The following WDR1 variants were observed in gnomAD, a reference collection of about 807,000 sequenced individuals.
The protein encoded by WDR1 is WD repeat-containing protein 1.
WDR1 carries 21 observed loss-of-function variants against 71.9 expected under a neutral mutation model. The observed-to-expected ratio is 0.29, with a 90% confidence interval of 0.21 to 0.42. The LOEUF is 0.42. Among genes scored for constraint, WDR1 ranks in the 10% least tolerant of loss-of-function variants. WDR1 has a pLI of 1.00. For missense variants in WDR1, 696 were observed against 824.5 expected, an observed-to-expected ratio of 0.84 and a Z score of 1.91; for synonymous variants, 424 against 347.4, an observed-to-expected ratio of 1.22 and a Z score of -2.45.
rs767599833 is a variant in WDR1 at position 10,087,694 on chromosome 4, G to C, written c.951+13C>G. On this transcript the variant is annotated intron_variant, in intron 8 of 14. Transcript: ENST00000499869. ...CACCCAGCGGGCAGAGCCTTCCCCA[G>C]GGCAGGCCTTACCTTGATGACGTGC... 6.4e-7 allele frequency: 1 copy of C among 1,571,724 alleles called. No homozygotes were observed. The highest frequency in any genetic ancestry group is 8.6e-7 in the Non-Finnish European group (1 of 1,157,432).
intron 9 of WDR1, 41 bp from the exon 10 acceptor site, chr4:10,083,219 T>A: frequency 6.3e-7 from 1 of 1,597,582 alleles, no homozygotes. Context: ...CCAGGACTGC[T>A]GGGTGTTCTC....
rs373350731 is a variant in WDR1 at position 10,079,034 on chromosome 4, C to A, written c.1285-33G>T. The A allele has an allele frequency of 3.1e-5, 48 of 1,551,568 alleles. No individual in the cohort carries two copies. In the African/African-American group the frequency reaches 6.0e-4, roughly 19 times the overall value. On this transcript the variant is annotated intron_variant, in intron 11 of 14. Transcript: ENST00000499869. ...ACACACAGGCAGCTGGTCAGGCGGTCCAGCCCTTCGGGACAAAACCCTCAG... is the reference window on the plus strand; with the variant it reads ...ACACACAGGCAGCTGGTCAGGCGGTACAGCCCTTCGGGACAAAACCCTCAG...
Position 10,081,453 on chromosome 4 carries a change from G to A in WDR1, c.1197-9C>T, listed in dbSNP as rs367851603. On this transcript the variant is annotated splice_polypyrimidine_tract_variant and intron_variant, in intron 10 of 14. Transcript: ENST00000499869. ...TCACAACTCCTTGTCCGCTGTTAGA[G>A]AGAAAGGAAGCACATTACTTCGACA... is the stretch of plus-strand genomic sequence containing the variant. 1.2e-6 allele frequency: 2 copies of A among 1,613,236 alleles called. No homozygotes were observed. Among genetic ancestry groups the A allele is most frequent in the Non-Finnish European group, 1.7e-6 (2 of 1,179,418 alleles).
rs540654610 is a variant in WDR1 at position 10,085,992 on chromosome 4, C to A, written c.952-1462G>T. Among the ~76,000 whole-genome samples, 35 of 152,278 alleles carry A rather than the reference C, an allele frequency of 2.3e-4. 1 individual carries two copies. In the South Asian group the frequency reaches 6.8e-3, roughly 30 times the overall value. On this transcript the variant is annotated intron_variant, in intron 8 of 14. Coordinates refer to ENST00000499869, the MANE Select transcript of WDR1 (RefSeq NM_017491.5). Reference sequence around the variant, plus strand: ...CACGGTGGCAGGCCGGGTGCACTGGCCCCAGACAGTTGGCAGCAGTGGTAT... The same window carrying A: ...CACGGTGGCAGGCCGGGTGCACTGGACCCAGACAGTTGGCAGCAGTGGTAT...
At chr4:10,099,180 TGGGGTAAAGGGCAG>T (rs760580340) in intron 3 of WDR1, 41 bp from the exon 4 acceptor site, 1 of 173,730 alleles carries the variant, frequency 5.8e-6, no homozygotes, top group Admixed American at 8.5e-5. Flanking sequence ...GAGGCGGTGG[TGGGGTAAAGGGCAG>T]GGGGAGAGCC....
In WDR1 at chr4:10,084,441, A is replaced by G. The variant is rs765001332; in HGVS notation, c.1039+2T>C. ...GAGCCAGCTCTTTGAGTCAAAGGAT[A>G]TTAATGTGTCCGTCGTGGCTCCCAG... On this transcript the variant is annotated splice_donor_variant, in intron 9 of 14. Transcript: ENST00000499869. LOFTEE classifies it high-confidence loss of function. The G allele has an allele frequency of 3.1e-6, 5 of 1,613,284 alleles. No homozygotes were observed. Among genetic ancestry groups the G allele is most frequent in the East Asian group, 2.2e-5 (1 of 44,872 alleles).
chr4:10,104,237 T>C (rs902026222), intron 2 of WDR1, among the ~76,000 whole-genome samples: 19 of 152,208 alleles, frequency 1.2e-4, no homozygotes, highest in Non-Finnish European at 2.8e-4. Flanking sequence ...GTGATTTTTT[T>C]CCTTTTCTGC....
chr4:10,081,244 C>A, intron 11 of WDR1, 113 bp downstream of exon 11: 1 of 915,910 alleles, frequency 1.1e-6, no homozygotes. Context: ...TGCAAATGAG[C>A]ACTCAACCAA....
chr4:10,113,359 AAATT>A (rs1713509599), intron 2 of WDR1, among the ~76,000 whole-genome samples: 1 of 152,188 alleles, frequency 6.6e-6, no homozygotes, highest in African/African-American at 2.4e-5. Context: ...CCTCCACCTC[AAATT>A]AAAAAAGAAA....
In WDR1 at chr4:10,097,706, C is replaced by T; in HGVS notation, c.558+5G>A. On this transcript the variant is annotated splice_donor_5th_base_variant and intron_variant, in intron 5 of 14. Transcript: ENST00000499869. The stretch of plus-strand genomic sequence containing the variant: ...AAATTTCACCCAAAAAGTAAGTTCA[C>T]TTACGCCAATTGTGAACTTGAACTT... 1 of 1,606,744 alleles carries T rather than the reference C, an allele frequency of 6.2e-7. No homozygotes were observed. Among genetic ancestry groups the T allele is most frequent in the Non-Finnish European group, 8.5e-7 (1 of 1,174,546 alleles).
rs548399824 is a variant in WDR1, at chr4:10,102,397, G to T, written c.229+1499C>A. ...TGCATCAGAGGCGGCCTATGGAGAG[G>T]TGATTAGGCCAGGAGGGCTCTGCCC... On this transcript the variant is annotated intron_variant, in intron 3 of 14. Coordinates refer to ENST00000499869, the MANE Select transcript of WDR1 (RefSeq NM_017491.5). Among the ~76,000 whole-genome samples, 15 of 152,354 alleles carry T rather than the reference G, an allele frequency of 9.8e-5. No homozygotes were observed. In the East Asian group the frequency reaches 2.1e-3, roughly 22 times the overall value.
At chr4:10,111,981 C>T (rs1041053136) in intron 2 of WDR1, among the ~76,000 whole-genome samples, 2 of 152,116 alleles carry the variant, frequency 1.3e-5, no homozygotes, top group Non-Finnish European at 2.9e-5. Context: ...AAAAACCAGG[C>T]CCCAAACTTG....
chr4:10,085,743 C>T (rs1765184163), intron 8 of WDR1, among the ~76,000 whole-genome samples: 1 of 152,258 alleles, frequency 6.6e-6, no homozygotes, highest in Admixed American at 6.5e-5. Context: ...GGGGCGTCAG[C>T]AGCCAGCGCT....
intron 12 of WDR1, chr4:10,078,688 G>A (rs1171204665): frequency 5.7e-6 from 3 of 528,108 alleles, no homozygotes; most frequent in Non-Finnish European, 1.0e-5. Flanking sequence ...AAGTGCCGAG[G>A]AGGGGAGGGG....
intron 2 of WDR1, 121 bp downstream of exon 2, chr4:10,115,992 G>A (rs1340346147): frequency 2.9e-6 from 4 of 1,360,336 alleles, no homozygotes; most frequent in African/African-American, 1.5e-5. Context: ...GGTAGAGGGG[G>A]CGTGGCGCCC....
chr4:10,079,640 C>T (rs1764939568), intron 11 of WDR1, among the ~76,000 whole-genome samples: 1 of 152,206 alleles, frequency 6.6e-6, no homozygotes, highest in South Asian at 2.1e-4. Flanking sequence ...TCAACTGCTC[C>T]CAGACAGTGG....
At chr4:10,101,635 T>A (rs1323541444) in intron 3 of WDR1, among the ~76,000 whole-genome samples, 10 of 152,222 alleles carry the variant, frequency 6.6e-5, no homozygotes, top group African/African-American at 2.2e-4. Flanking sequence ...ATGTGGTCTG[T>A]CCTTTGCAAC....
At chr4:10,095,415 G>A (rs370824844) in intron 5 of WDR1, among the ~76,000 whole-genome samples, 7 of 152,188 alleles carry the variant, frequency 4.6e-5, no homozygotes, top group East Asian at 3.8e-4. Flanking sequence ...GCCCACATAC[G>A]GGAGGAAGCC....
chr4:10,116,052 G>T (rs1437512342), intron 2 of WDR1, 61 bp downstream of exon 2: 3 of 1,579,470 alleles, frequency 1.9e-6, no homozygotes, highest in African/African-American at 1.4e-5. Context: ...AGAGGAAGGC[G>T]AATTATCCCA....
Sources: gnomAD v4.1 joint callset for allele counts (sites outside exome capture counted in the v4.1 genomes callset) on GRCh38, gnomAD v4.1.1 for gene constraint, MANE v1.5 for transcripts, NCBI Gene and HGNC (gene_info 2026-07-23, HGNC 2026-07-21) for gene names.